MCTP2: variants seen among roughly 807,000 people sequenced by gnomAD.
MCTP2 encodes multiple C2 and transmembrane domain containing 2.
MCTP2 carries 132 observed loss-of-function variants against 111.6 expected under a neutral mutation model. That is an observed-to-expected ratio of 1.18 (90% CI 1.03 to 1.37). The LOEUF (loss-of-function observed/expected upper bound fraction) is 1.37. Ranked by LOEUF, MCTP2 falls within the 40% of genes most tolerant of loss-of-function variation. MCTP2 has a pLI of 0.00. For missense variants in MCTP2, 1,183 were observed against 1,067.9 expected (o/e 1.11, Z -1.50); for synonymous variants, 395 against 387.7 (o/e 1.02, Z -0.22).
intron 12 of MCTP2, among the ~76,000 whole-genome samples, chr15:94,380,703 G>A (rs2080086149): frequency 6.6e-6 from 1 of 151,998 alleles, no homozygotes; most frequent in Non-Finnish European, 1.5e-5. Context: ...AGGAGGCAGA[G>A]GCTGCAGTGA....
At chr15:94,244,776 A>G (rs2071628465) in intron 1 of MCTP2, among the ~76,000 whole-genome samples, 2 of 149,284 alleles carry the variant, frequency 1.3e-5, no homozygotes, top group Non-Finnish European at 3.0e-5. Flanking sequence ...TCGTATATGT[A>G]TACACATACA....
At chr15:94,413,274 T>G (rs2082234208) in intron 17 of MCTP2, among the ~76,000 whole-genome samples, 2 of 152,158 alleles carry the variant, frequency 1.3e-5, no homozygotes, top group Admixed American at 6.6e-5. Flanking sequence ...AATTATTACA[T>G]TAGTAAAAAA....
At chr15:94,243,197 G>A (rs547791317) in intron 1 of MCTP2, among the ~76,000 whole-genome samples, 1 of 148,058 alleles carries the variant, frequency 6.8e-6, no homozygotes, top group African/African-American at 2.5e-5. Context: ...GCGTATATAC[G>A]TATGCGTATA....
At chr15:94,397,128 T>C (rs1344474704) in intron 14 of MCTP2, among the ~76,000 whole-genome samples, 2 of 152,232 alleles carry the variant, frequency 1.3e-5, no homozygotes, top group African/African-American at 4.8e-5. Context: ...TTTAAACTTA[T>C]ATTCTATTTT....
At chr15:94,391,190 C>G (rs1162259222) in intron 14 of MCTP2, among the ~76,000 whole-genome samples, 1 of 152,128 alleles carries the variant, frequency 6.6e-6, no homozygotes, top group African/African-American at 2.4e-5. Flanking sequence ...GCACCAATAA[C>G]AGCTTCACTT....
chr15:94,472,709 A>G (rs1321195163), intron 21 of MCTP2, among the ~76,000 whole-genome samples: 1 of 152,202 alleles, frequency 6.6e-6, no homozygotes. Flanking sequence ...AGAGCTTACC[A>G]TAGTGAATGT....
chr15:94,450,704 T>C (rs919271404), intron 19 of MCTP2, among the ~76,000 whole-genome samples: 1 of 152,226 alleles, frequency 6.6e-6, no homozygotes, highest in Non-Finnish European at 1.5e-5. Context: ...GATTTTGAGA[T>C]AAAAATTTTT....
rs186772447 is a variant in MCTP2, at chr15:94,250,060, C to T, written c.-66+18396C>T. ...AGTGATTTTTTCATTTTTTTTTTCC[C>T]CAACTTAAGCCATACTTGTACATCA... On this transcript the variant is annotated intron_variant, in intron 1 of 22. Coordinates refer to ENST00000357742, the MANE Select transcript of MCTP2 (RefSeq NM_001385001.1). Among the ~76,000 whole-genome samples the T allele has an allele frequency of 7.2e-3, 1,086 of 151,172 alleles. 11 individuals are homozygous for T. Among genetic ancestry groups the T allele is most frequent in the African/African-American group, 0.025 (1,033 of 41,216 alleles).
chr15:94,412,005 G>C (rs1219354942), intron 17 of MCTP2, among the ~76,000 whole-genome samples: 1 of 152,120 alleles, frequency 6.6e-6, no homozygotes, highest in African/African-American at 2.4e-5. Flanking sequence ...AAATATACTT[G>C]TGGGCCCCAT....
chr15:94,333,590 A>G (rs1204255772), intron 4 of MCTP2, among the ~76,000 whole-genome samples: 2 of 152,202 alleles, frequency 1.3e-5, no homozygotes, highest in African/African-American at 2.4e-5. Flanking sequence ...CATGTTCTTC[A>G]ATAGCACTCT....
At chr15:94,444,128 A>G (rs115599266) in intron 19 of MCTP2, among the ~76,000 whole-genome samples, 2,229 of 152,266 alleles carry the variant, frequency 0.015, 61 homozygotes, top group African/African-American at 0.051. Flanking sequence ...CTTGGATTCA[A>G]CAAATTTCTA....
chr15:94,238,431 T>C (rs2070713600), intron 1 of MCTP2, among the ~76,000 whole-genome samples: 1 of 152,094 alleles, frequency 6.6e-6, no homozygotes. Context: ...TGTTAGAATA[T>C]TAATTTTTAT....
chr15:94,363,945 T>C (rs761708444), intron 10 of MCTP2, among the ~76,000 whole-genome samples: 7 of 152,162 alleles, frequency 4.6e-5, no homozygotes, highest in African/African-American at 7.2e-5. Flanking sequence ...ATATTGTTTC[T>C]ATCAGACAGA....
intron 1 of MCTP2, among the ~76,000 whole-genome samples, chr15:94,245,770 G>T (rs1490076463): frequency 6.7e-6 from 1 of 149,776 alleles, no homozygotes; most frequent in East Asian, 2.0e-4. Flanking sequence ...GAAGGCTTTG[G>T]AAGGTGAAAC....
chr15:94,235,614 A>G (rs1486829453), intron 1 of MCTP2, among the ~76,000 whole-genome samples: 1 of 152,246 alleles, frequency 6.6e-6, no homozygotes, highest in Non-Finnish European at 1.5e-5. Flanking sequence ...TTGAGCTCTC[A>G]GGTTGTGCCA....
intron 3 of MCTP2, chr15:94,314,722 T>A (rs1048978064): frequency 1.7e-5 from 8 of 467,854 alleles, no homozygotes; most frequent in African/African-American, 1.6e-4. Flanking sequence ...CCTTTTCCCT[T>A]TAAGGACAGT....
intron 1 of MCTP2, among the ~76,000 whole-genome samples, chr15:94,244,153 T>C (rs1177562486): frequency 3.4e-5 from 5 of 145,768 alleles, no homozygotes; most frequent in South Asian, 4.2e-4. Context: ...TGTGTATATG[T>C]TTATATACAC....
chr15:94,288,221 G>A (rs939798514), intron 1 of MCTP2, among the ~76,000 whole-genome samples: 3 of 152,156 alleles, frequency 2.0e-5, no homozygotes, highest in Non-Finnish European at 4.4e-5. Context: ...GGTTGTTCCC[G>A]ATTGTTGAAT....
chr15:94,407,168 A>T (rs566563935), intron 17 of MCTP2, among the ~76,000 whole-genome samples: 1 of 152,312 alleles, frequency 6.6e-6, no homozygotes, highest in Admixed American at 6.5e-5. Context: ...AATGTTGTCT[A>T]TTAAAAGTCC....
Sources: gnomAD v4.1 joint callset for allele counts (sites outside exome capture counted in the v4.1 genomes callset) on GRCh38, gnomAD v4.1.1 for gene constraint, MANE v1.5 for transcripts, NCBI Gene and HGNC (gene_info 2026-07-23, HGNC 2026-07-21) for gene names.